SLK: variants seen among roughly 807,000 people sequenced by gnomAD.
The protein encoded by SLK is STE20 like kinase.
Under a neutral mutation model 147.7 loss-of-function variants are expected in SLK, and 67 were observed. The observed-to-expected ratio is 0.45, with a 90% CI of 0.37 to 0.56. SLK has a LOEUF of 0.56. Among genes scored for constraint, SLK ranks in the 20% least tolerant of loss-of-function variants. The pLI is 0.00. For missense variants in SLK, 1,136 were observed against 1,438.8 expected (o/e 0.79, Z 3.41); for synonymous variants, 441 against 475.0 (o/e 0.93, Z 0.93).
intron 7 of SLK, among the ~76,000 whole-genome samples, chr10:104,000,918 G>A (rs1844237604): frequency 6.6e-6 from 1 of 151,864 alleles, no homozygotes; most frequent in Non-Finnish European, 1.5e-5. Context: ...AATCAGCCGG[G>A]CATGGTGGCA....
chr10:103,982,071 C>T (rs1253881055), intron 1 of SLK, among the ~76,000 whole-genome samples: 1 of 152,192 alleles, frequency 6.6e-6, no homozygotes, highest in Middle Eastern at 3.4e-3. Context: ...GTGTTTTATT[C>T]TCTTTGATGC....
intron 12 of SLK, among the ~76,000 whole-genome samples, chr10:104,009,588 T>C (rs530832027): frequency 4.8e-4 from 73 of 152,272 alleles, no homozygotes; most frequent in African/African-American, 1.7e-3. Context: ...TTACTGGGGC[T>C]ACATGTTAAT....
chr10:104,019,329 A>G (rs1029757926), intron 15 of SLK, among the ~76,000 whole-genome samples: 2 of 152,102 alleles, frequency 1.3e-5, no homozygotes, highest in African/African-American at 4.8e-5. Flanking sequence ...GCTGGAGTGC[A>G]GTGGCACTCA....
rs1844598991 is a variant in SLK at position 104,026,347 on chromosome 10, A to G, written c.*627A>G. ...TGCTAATTTTCTTAAGATAGTGCCT[A>G]AAACACTAAATTTCAGTCAAGTCGT... On this transcript the variant is annotated 3_prime_UTR_variant, in exon 19 of 19. Transcript: ENST00000369755. 1 of 152,658 alleles carries G rather than the reference A, an allele frequency of 6.6e-6. No individual in the cohort carries two copies. Among genetic ancestry groups the G allele is most frequent in the Non-Finnish European group, 1.5e-5 (1 of 68,032 alleles). 9.5% of individuals were successfully genotyped at this position (152,658 alleles called of 1,614,324 possible).
At chr10:104,006,716 C>T (rs1844330656) in intron 11 of SLK, among the ~76,000 whole-genome samples, 1 of 152,042 alleles carries the variant, frequency 6.6e-6, no homozygotes, top group Non-Finnish European at 1.5e-5. Flanking sequence ...GAATATAGTC[C>T]TTGTGTTGAC....
At chr10:104,007,532 T>C (rs1463393701) in intron 11 of SLK, among the ~76,000 whole-genome samples, 1 of 151,780 alleles carries the variant, frequency 6.6e-6, no homozygotes, top group African/African-American at 2.4e-5. Flanking sequence ...CATTTGAATC[T>C]GGGAGGCGGA....
intron 1 of SLK, among the ~76,000 whole-genome samples, chr10:103,971,338 A>G (rs1265353082): frequency 6.6e-6 from 1 of 152,150 alleles, no homozygotes; most frequent in South Asian, 2.1e-4. Flanking sequence ...GCTGTGGCGC[A>G]ATCTCGGCTC....
intron 9 of SLK, among the ~76,000 whole-genome samples, chr10:104,004,176 T>C (rs947432976): frequency 6.6e-6 from 1 of 152,128 alleles, no homozygotes; most frequent in Non-Finnish European, 1.5e-5. Flanking sequence ...GGGTTGATAG[T>C]AGCAGAAGAG....
rs1843917211 is a variant in SLK, at chr10:103,979,744, A to G, written c.151-10931A>G. Among the ~76,000 whole-genome samples the G allele has an allele frequency of 2.6e-5, 4 of 152,244 alleles. No individual in the cohort carries two copies. In the South Asian group the frequency reaches 8.3e-4, roughly 32 times the overall value. Reference sequence around the variant, plus strand: ...CTTATTGATTTATGGGGGTCATTATACATTTTGGATACTTATCCTTTGTCC... The same window carrying G: ...CTTATTGATTTATGGGGGTCATTATGCATTTTGGATACTTATCCTTTGTCC... On this transcript the variant is annotated intron_variant, in intron 1 of 18. Transcript: ENST00000369755.
intron 8 of SLK, 78 bp from the exon 9 acceptor site, chr10:104,002,094 C>G (rs1194904336): frequency 1.0e-6 from 1 of 1,001,114 alleles, no homozygotes; most frequent in Non-Finnish European, 1.5e-6. Flanking sequence ...GATCTGAAAT[C>G]ACTGTAGGTC....
intron 13 of SLK, among the ~76,000 whole-genome samples, chr10:104,011,516 A>G (rs1844399737): frequency 6.6e-6 from 1 of 151,920 alleles, no homozygotes; most frequent in Admixed American, 6.6e-5. Context: ...AAGCAACCCA[A>G]TCTAGGTTAT....
chr10:103,994,194 C>G (rs1009672993), intron 4 of SLK, among the ~76,000 whole-genome samples: 18 of 152,142 alleles, frequency 1.2e-4, no homozygotes, highest in African/African-American at 3.9e-4. Context: ...TGAAAAATTA[C>G]AGATATAGAA....
At position 103,999,099 on chromosome 10, in the gene SLK, T is replaced by G. The variant is rs529529548; in HGVS notation, c.588-20T>G. On this transcript the variant is annotated intron_variant, in intron 5 of 18. Transcript: ENST00000369755. ...TCACTGTTCTTAAACATGTTAACTT[T>G]TAATTATCTGTCTTCATAGGATGGC... 2.3e-5 allele frequency: 36 copies of G among 1,592,194 alleles called. No homozygotes were observed. The South Asian group carries it at 3.9e-4, about 17-fold the overall frequency.
intron 9 of SLK, 51 bp from the exon 10 acceptor site, chr10:104,005,510 T>C (rs762292846): frequency 1.3e-6 from 2 of 1,517,240 alleles, no homozygotes; most frequent in South Asian, 2.5e-5. Context: ...AAATGTTTTC[T>C]ACCTCCAGTA....
intron 2 of SLK, among the ~76,000 whole-genome samples, chr10:103,991,508 G>T (rs1275234282): frequency 1.3e-5 from 2 of 152,040 alleles, no homozygotes; most frequent in Non-Finnish European, 2.9e-5. Flanking sequence ...TGAGAGAGAA[G>T]AGTAAGTAGT....
intron 11 of SLK, among the ~76,000 whole-genome samples, chr10:104,006,953 T>G (rs1006108748): frequency 6.6e-6 from 1 of 152,138 alleles, no homozygotes; most frequent in African/African-American, 2.4e-5. Flanking sequence ...AAACATCCAT[T>G]ACAAATAAGT....
chr10:104,022,119 G>A (rs561492155), intron 18 of SLK, among the ~76,000 whole-genome samples: 1 of 152,214 alleles, frequency 6.6e-6, no homozygotes, highest in African/African-American at 2.4e-5. Flanking sequence ...GATTTGAGTA[G>A]GGAGAAGAGA....
At chr10:103,968,884 A>T (rs1389747279) in intron 1 of SLK, among the ~76,000 whole-genome samples, 1 of 152,190 alleles carries the variant, frequency 6.6e-6, no homozygotes, top group African/African-American at 2.4e-5. Flanking sequence ...CTCAGCCTAG[A>T]CTTGAACTCA....
At chr10:103,991,197 T>C (rs755085621) in intron 2 of SLK, among the ~76,000 whole-genome samples, 1 of 152,186 alleles carries the variant, frequency 6.6e-6, no homozygotes, top group Non-Finnish European at 1.5e-5. Flanking sequence ...AGAAATTGTT[T>C]ATAATTTTTT....
Sources: gnomAD v4.1 joint callset for allele counts (sites outside exome capture counted in the v4.1 genomes callset) on GRCh38, gnomAD v4.1.1 for gene constraint, MANE v1.5 for transcripts, NCBI Gene and HGNC (gene_info 2026-07-23, HGNC 2026-07-21) for gene names.